Variants in LRRC7 observed in about 807,000 individuals in gnomAD.
The protein encoded by LRRC7 is leucine-rich repeat-containing protein 7.
Under a neutral mutation model 175.7 loss-of-function variants are expected in LRRC7, and 23 were observed. That is an observed-to-expected ratio of 0.13 (90% CI 0.09 to 0.19). The LOEUF is 0.19. Among genes scored for constraint, LRRC7 ranks in the 10% least tolerant of loss-of-function variants. LRRC7 has a pLI of 1.00. For synonymous variants in LRRC7, 685 were observed against 680.9 expected (o/e 1.01, Z -0.09); for missense variants, 1,354 against 1,904.7 (o/e 0.71, Z 5.38).
intron 2 of LRRC7, among the ~76,000 whole-genome samples, chr1:69,698,352 C>A (rs1662879243): frequency 6.6e-6 from 1 of 152,188 alleles, no homozygotes; most frequent in Non-Finnish European, 1.5e-5. Context: ...CCAGCACTTT[C>A]TTATACTGAT....
intron 7 of LRRC7, among the ~76,000 whole-genome samples, chr1:69,870,308 C>T (rs1410254155): frequency 6.6e-6 from 1 of 152,052 alleles, no homozygotes; most frequent in East Asian, 1.9e-4. Flanking sequence ...GTGTCGAGTA[C>T]ACACAGCCCA....
chr1:69,928,611 C>T (rs1396097434), intron 7 of LRRC7, among the ~76,000 whole-genome samples: 2 of 152,230 alleles, frequency 1.3e-5, no homozygotes, highest in African/African-American at 4.8e-5. Context: ...CCCTCCGAGC[C>T]ATGTGCGGGA....
At chr1:69,635,015 T>TG (rs1222982376) in intron 1 of LRRC7, among the ~76,000 whole-genome samples, 8 of 152,204 alleles carry the variant, frequency 5.3e-5, no homozygotes, top group African/African-American at 1.7e-4. Flanking sequence ...TTACGGGGGT[T>TG]TGTTGTACAG....
intron 25 of LRRC7, among the ~76,000 whole-genome samples, chr1:70,105,644 G>T (rs2102208963): frequency 6.6e-6 from 1 of 152,174 alleles, no homozygotes; most frequent in South Asian, 2.1e-4. Flanking sequence ...CTACTGTATG[G>T]ATTTACTATA....
Position 69,661,502 on chromosome 1 carries a change from A to G in LRRC7, c.3-16879A>G, listed in dbSNP as rs150599062. Among the ~76,000 whole-genome samples the G allele has an allele frequency of 2.0e-5, 3 of 152,286 alleles. No homozygotes were observed. In the East Asian group the frequency reaches 5.8e-4, roughly 29 times the overall value. On this transcript the variant is annotated intron_variant, in intron 1 of 26. Coordinates refer to ENST00000651989, the MANE Select transcript of LRRC7 (RefSeq NM_001370785.2). ...CAGTACTCACTTGATTAATCGTAACAGTTCATTTATTTTAAAAAATGCTGA... is the reference window on the plus strand; with the variant it reads ...CAGTACTCACTTGATTAATCGTAACGGTTCATTTATTTTAAAAAATGCTGA...
intron 9 of LRRC7, among the ~76,000 whole-genome samples, chr1:69,981,250 A>C (rs1653398996): frequency 6.6e-6 from 1 of 152,218 alleles, no homozygotes. Context: ...TCTTCAGCCA[A>C]CACAGAGGTT....
At chr1:69,836,695 T>C (rs1363539882) in intron 6 of LRRC7, among the ~76,000 whole-genome samples, 1 of 151,932 alleles carries the variant, frequency 6.6e-6, no homozygotes, top group Non-Finnish European at 1.5e-5. Context: ...TCTGTACTCC[T>C]AAAAGCCAAA....
chr1:69,983,412 T>C (rs1313957133), intron 9 of LRRC7, among the ~76,000 whole-genome samples: 1 of 152,212 alleles, frequency 6.6e-6, no homozygotes, highest in Non-Finnish European at 1.5e-5. Context: ...ATTAATGGGA[T>C]AACTTTGGAG....
chr1:69,961,334 GAAAC>G (rs1349330705), intron 8 of LRRC7, among the ~76,000 whole-genome samples: 1 of 152,086 alleles, frequency 6.6e-6, no homozygotes, highest in Non-Finnish European at 1.5e-5. Flanking sequence ...AATCAGACAT[GAAAC>G]AAACAAATGG....
chr1:69,968,981 G>C (rs1317866451), intron 8 of LRRC7, among the ~76,000 whole-genome samples: 1 of 151,898 alleles, frequency 6.6e-6, no homozygotes. Flanking sequence ...ACCACACCTG[G>C]CTGGTTTTTT....
intron 1 of LRRC7, among the ~76,000 whole-genome samples, chr1:69,569,093 A>T (rs1421044403): frequency 6.6e-6 from 1 of 151,930 alleles, no homozygotes; most frequent in Non-Finnish European, 1.5e-5. Context: ...ACTCACACAC[A>T]CTTGTGGCAG....
At chr1:69,579,372 A>G (rs1646099748) in intron 1 of LRRC7, among the ~76,000 whole-genome samples, 1 of 152,166 alleles carries the variant, frequency 6.6e-6, no homozygotes, top group Non-Finnish European at 1.5e-5. Context: ...TTTAAAAAAT[A>G]AAAAAGGTTA....
Position 70,039,490 on chromosome 1 carries a change from T to C in LRRC7, c.3666T>C (p.Ala1222=). The part of the protein sequence containing the change: ...DEHPSYQEVK[A]QAGSFPVKNL... ...ACCCTTCATATCAAGAAGTGAAAGC[T>C]CAGGCGGGAAGTTTTCCGGTTAAAA... is the stretch of plus-strand genomic sequence containing the variant. The change falls in exon 21 of 27, where the codon GCT becomes GCC. Residue 1222 remains alanine (A), a synonymous_variant. Transcript: ENST00000651989. 1 of 1,614,092 alleles carries C rather than the reference T, an allele frequency of 6.2e-7. No homozygotes were observed.
chr1:69,669,014 T>C (rs1355705540), intron 1 of LRRC7, among the ~76,000 whole-genome samples: 1 of 152,212 alleles, frequency 6.6e-6, no homozygotes, highest in Non-Finnish European at 1.5e-5. Context: ...TTTTTATTTA[T>C]ATCTTATCAT....
intron 2 of LRRC7, 125 bp downstream of exon 2, chr1:69,678,603 T>A (rs1279477770): frequency 7.4e-6 from 5 of 671,528 alleles, no homozygotes; most frequent in Non-Finnish European, 1.0e-5. Flanking sequence ...CGAGTTGGTC[T>A]TTTAAAATAA....
intron 7 of LRRC7, among the ~76,000 whole-genome samples, chr1:69,857,434 A>G (rs1453538177): frequency 6.6e-6 from 1 of 152,214 alleles, no homozygotes; most frequent in African/African-American, 2.4e-5. Flanking sequence ...TACAAAATCA[A>G]TGTGCAAAAA....
In LRRC7 at chr1:70,134,066, C is replaced by G. The variant is rs1486205616; in HGVS notation, c.*12179C>G. 6.6e-6 allele frequency among the ~76,000 whole-genome samples: 1 copy of G among 152,206 alleles called. No homozygotes were observed. The highest frequency in any genetic ancestry group is 1.9e-4 in the East Asian group (1 of 5,206). On this transcript the variant is annotated 3_prime_UTR_variant, in exon 27 of 27. Transcript: ENST00000651989. Reference sequence around the variant, plus strand: ...CCATCTGGCAATAACTAGGCATCTACAATAAACGCCTAATTTTTCATTTTA... The same window carrying G: ...CCATCTGGCAATAACTAGGCATCTAGAATAAACGCCTAATTTTTCATTTTA...
intron 1 of LRRC7, among the ~76,000 whole-genome samples, chr1:69,649,027 A>G (rs1309013252): frequency 6.6e-6 from 1 of 152,240 alleles, no homozygotes; most frequent in Non-Finnish European, 1.5e-5. Context: ...AAGATTTTTT[A>G]AAGATTTATT....
At chr1:69,655,244 A>G (rs1656435200) in intron 1 of LRRC7, among the ~76,000 whole-genome samples, 1 of 139,388 alleles carries the variant, frequency 7.2e-6, no homozygotes, top group Admixed American at 7.3e-5. Context: ...CATTCAAGTA[A>G]CCACCCAAAA....
Sources: gnomAD v4.1 joint callset for allele counts (sites outside exome capture counted in the v4.1 genomes callset) on GRCh38, gnomAD v4.1.1 for gene constraint, MANE v1.5 for transcripts, NCBI Gene and HGNC (gene_info 2026-07-23, HGNC 2026-07-21) for gene names.